The following STUM variants were observed in gnomAD, a reference collection of about 807,000 sequenced individuals.
STUM encodes the protein protein stum homolog.
In STUM, 8 loss-of-function variants were observed where a neutral mutation model predicts 15.3. That is an observed-to-expected ratio of 0.52 (90% CI 0.31 to 0.94). The LOEUF (loss-of-function observed/expected upper bound fraction) is 0.94, where lower values mean the gene tolerates loss of function less well. STUM is among the 40% of genes least tolerant of loss of function. The pLI is 0.05. For missense variants in STUM, 142 were observed against 204.9 expected (o/e 0.69, Z 1.87); for synonymous variants, 78 against 88.7 (o/e 0.88, Z 0.68).
chr1:226,568,217 C>G (rs1266908476), intron 1 of STUM, among the ~76,000 whole-genome samples: 1 of 152,188 alleles, frequency 6.6e-6, no homozygotes, highest in Non-Finnish European at 1.5e-5. Flanking sequence ...TGTGATTTGT[C>G]AAGTGTGTTT....
chr1:226,550,287 C>CCGAGCTT (rs1473298007), intron 1 of STUM, among the ~76,000 whole-genome samples: 1 of 152,238 alleles, frequency 6.6e-6, no homozygotes, highest in Non-Finnish European at 1.5e-5. Context: ...AGGACCCGTT[C>CCGAGCTT]ACTTTCCCCT....
At chr1:226,590,830 C>T (rs2282425) in intron 1 of STUM, among the ~76,000 whole-genome samples, 72,556 of 152,006 alleles carry the variant, frequency 0.48, 17,484 homozygotes, top group Admixed American at 0.54. Flanking sequence ...CCATGAGTCC[C>T]CATCAGCTTC....
chr1:226,589,216 C>T (rs1023296888), intron 1 of STUM, among the ~76,000 whole-genome samples: 2 of 152,174 alleles, frequency 1.3e-5, no homozygotes, highest in African/African-American at 2.4e-5. Context: ...AAGCTGAACC[C>T]GGTGAGAACT....
rs1474096699 is a variant in STUM, at chr1:226,600,104, A to G, written c.383-562A>G. Among the ~76,000 whole-genome samples the G allele has an allele frequency of 6.6e-6, 1 of 152,018 alleles. No homozygotes were observed. Among genetic ancestry groups the G allele is most frequent in the Non-Finnish European group, 1.5e-5 (1 of 68,000 alleles). ...CCAGGAGCTGCCACTCCTCATGTCC[A>G]TCTGGAATTTATCTGGAGGAAGGCA... On this transcript the variant is annotated intron_variant, in intron 2 of 3. Transcript: ENST00000366788. This position sits in a 1 kb window ranked among gnomAD's most constrained non-coding sequence, Gnocchi z 5.2.
At position 226,567,213 on chromosome 1, in the gene STUM, T is replaced by A. The variant is rs1474857416; in HGVS notation, c.202+18107T>A. On this transcript the variant is annotated intron_variant, in intron 1 of 3. Transcript: ENST00000366788. This position sits in a 1 kb window ranked among gnomAD's most constrained non-coding sequence, Gnocchi z 4.5. ...CAGGCCAGATTGACCTGAAATCTCT[T>A]CCCGAGCCTTGCTTTCAAAAAGCCT... 6.6e-6 allele frequency among the ~76,000 whole-genome samples: 1 copy of A among 152,144 alleles called. No homozygotes were observed. The highest frequency in any genetic ancestry group is 1.5e-5 in the Non-Finnish European group (1 of 68,024).
At chr1:226,570,387 G>A (rs542360159) in intron 1 of STUM, among the ~76,000 whole-genome samples, 2 of 152,200 alleles carry the variant, frequency 1.3e-5, no homozygotes, top group Non-Finnish European at 2.9e-5. Context: ...CAGTGTCAGA[G>A]CAACCAATGA....
intron 1 of STUM, among the ~76,000 whole-genome samples, chr1:226,586,451 G>A (rs1426824696): frequency 6.6e-6 from 1 of 152,128 alleles, no homozygotes; most frequent in African/African-American, 2.4e-5. Context: ...TTTGTTATTT[G>A]GGCAATCAGA....
At chr1:226,592,864 T>A (rs911170182) in intron 1 of STUM, among the ~76,000 whole-genome samples, 1 of 152,204 alleles carries the variant, frequency 6.6e-6, no homozygotes, top group Non-Finnish European at 1.5e-5. Flanking sequence ...CTCATCCCAG[T>A]TCATCTTTCC....
chr1:226,588,907 A>G (rs1668042019), intron 1 of STUM, among the ~76,000 whole-genome samples: 1 of 152,278 alleles, frequency 6.6e-6, no homozygotes, highest in Non-Finnish European at 1.5e-5. Flanking sequence ...CAAAGCTCAC[A>G]TTCAGGGTAA....
intron 1 of STUM, among the ~76,000 whole-genome samples, chr1:226,561,148 C>T (rs1667534911): frequency 6.6e-6 from 1 of 152,198 alleles, no homozygotes. Flanking sequence ...TCCTCTTGCT[C>T]TCCTTGAGAT....
chr1:226,582,095 A>G (rs1667927255), intron 1 of STUM, among the ~76,000 whole-genome samples: 1 of 152,198 alleles, frequency 6.6e-6, no homozygotes, highest in African/African-American at 2.4e-5. Context: ...CTCCTCCTGG[A>G]AGCCCTGGTC....
chr1:226,558,560 G>C (rs1667488894), intron 1 of STUM, among the ~76,000 whole-genome samples: 1 of 152,184 alleles, frequency 6.6e-6, no homozygotes, highest in African/African-American at 2.4e-5. Context: ...CCAACTGGAA[G>C]CTTTCTCCAC....
intron 2 of STUM, 148 bp downstream of exon 2, chr1:226,597,129 C>A: frequency 2.6e-6 from 2 of 780,652 alleles, no homozygotes; most frequent in South Asian, 3.0e-5. Flanking sequence ...CTTCACAACT[C>A]CCTGGGCTGC....
At position 226,607,039 on chromosome 1, in the gene STUM, C is replaced by T. The variant is rs1170329586; in HGVS notation, c.*4999C>T. On this transcript the variant is annotated 3_prime_UTR_variant, in exon 4 of 4. Coordinates refer to ENST00000366788, the MANE Select transcript of STUM (RefSeq NM_001003665.4). ...CACACTCTTCAAGGACTGCACTGCC[C>T]CTTCTCCCTCCTGAGAGCTCTGTGC... is the stretch of plus-strand genomic sequence containing the variant. The T allele has an allele frequency of 2.0e-5, 3 of 152,424 alleles. No homozygotes were observed. The highest frequency in any genetic ancestry group is 7.2e-5 in the African/African-American group (3 of 41,470). The allele number at this position is 152,424 out of a possible 1,614,324, so 9.4% of individuals were successfully genotyped here.
At chr1:226,568,693 G>T (rs1667659871) in intron 1 of STUM, among the ~76,000 whole-genome samples, 2 of 152,260 alleles carry the variant, frequency 1.3e-5, no homozygotes, top group South Asian at 4.1e-4. Context: ...TCCCAGCTGT[G>T]GGGAGGAGCA....
chr1:226,548,990 G>C lies in STUM; in HGVS notation c.86G>C (p.Ser29Thr). The change falls in exon 1 of 4, where the codon AGC (serine) becomes ACC (threonine). Residue 29 changes from serine (S) to threonine (T), a missense_variant. This residue lies in a region of STUM where 113 missense variants were observed against 134.4 expected (regional missense o/e 0.84). Coordinates refer to ENST00000366788, the MANE Select transcript of STUM (RefSeq NM_001003665.4). ...GACCCCCGGGGGGCGTCCTCGTCCA[G>C]CGGGGTGGTGGTGCAGGTCCGCGAG... ...AADPRGASSS[S>T]GVVVQVREKK... 1 of 1,542,272 alleles carries C rather than the reference G, an allele frequency of 6.5e-7. No homozygotes were observed. The highest frequency in any genetic ancestry group is 1.4e-5 in the African/African-American group (1 of 70,428).
chr1:226,580,401 G>A (rs190700893), intron 1 of STUM, among the ~76,000 whole-genome samples: 1 of 152,216 alleles, frequency 6.6e-6, no homozygotes, highest in Non-Finnish European at 1.5e-5. Flanking sequence ...TCAATCAGGT[G>A]CCCTGGGTGG....
intron 1 of STUM, among the ~76,000 whole-genome samples, chr1:226,591,197 C>T (rs953737865): frequency 6.6e-6 from 1 of 152,232 alleles, no homozygotes; most frequent in Admixed American, 6.5e-5. Context: ...TAAATCCATT[C>T]ACTTAATCTC....
intron 1 of STUM, among the ~76,000 whole-genome samples, chr1:226,577,808 G>A (rs533671497): frequency 1.0e-4 from 13 of 130,408 alleles, no homozygotes; most frequent in Middle Eastern, 3.7e-3. Context: ...GTTGTTCTGT[G>A]GGGGGGATGG....
Sources: allele counts gnomAD v4.1 joint callset (sites outside exome capture counted in the v4.1 genomes callset), GRCh38; gene constraint gnomAD v4.1.1; regional missense constraint gnomAD v4.1.1; non-coding constraint Gnocchi (gnomAD v3.1); transcripts MANE v1.5; gene names NCBI Gene and HGNC (gene_info 2026-07-23, HGNC 2026-07-21).